Variants in SH3GL3 observed in about 807,000 individuals in gnomAD.
SH3GL3 encodes SH3 domain containing GRB2 like 3, endophilin A3, also known as endophilin-A3.
A neutral mutation model predicts 47.7 loss-of-function variants in SH3GL3; 33 were observed. The ratio of observed to expected loss-of-function variants is 0.69; its 90% CI spans 0.52 to 0.92. The LOEUF is 0.92. Ranked by LOEUF, SH3GL3 falls within the 40% of genes least tolerant of loss-of-function variation. The pLI is 0.00. For synonymous variants in SH3GL3, 155 were observed against 148.8 expected (o/e 1.04, Z -0.30); for missense variants, 363 against 417.8 (o/e 0.87, Z 1.14).
At position 83,588,698 on chromosome 15, in the gene SH3GL3, C is replaced by G; in HGVS notation, c.765C>G (p.Tyr255Ter). The G allele has an allele frequency of 6.2e-7, 1 of 1,612,702 alleles. No individual in the cohort carries two copies. The highest frequency in any genetic ancestry group is 8.5e-7 in the Non-Finnish European group (1 of 1,178,662). Residue 255 changes from tyrosine to a stop codon, truncating the protein, a stop_gained, in exon 8 of 9, where the codon TAC becomes TAG. Transcript: ENST00000427482. LOFTEE classifies it high-confidence loss of function. ...SAASSVPRRE[Y>*]KPRPVKRSSS... Reference sequence around the variant, plus strand: ...CATCCAGTGTCCCCAGACGAGAATACAAGCCAAGGCCTGTGAAAAGGAGTT... The same window carrying G: ...CATCCAGTGTCCCCAGACGAGAATAGAAGCCAAGGCCTGTGAAAAGGAGTT...
intron 6 of SH3GL3, among the ~76,000 whole-genome samples, chr15:83,580,231 T>C (rs981062119): frequency 2.6e-5 from 4 of 152,202 alleles, no homozygotes; most frequent in African/African-American, 7.2e-5. Context: ...CATGAGGAGC[T>C]GTGCTTCGGG....
chr15:83,549,561 T>C (rs1469366561), intron 1 of SH3GL3, among the ~76,000 whole-genome samples: 3 of 152,216 alleles, frequency 2.0e-5, no homozygotes, highest in Non-Finnish European at 4.4e-5. Context: ...CTGACTCCAA[T>C]TTCTGTCTCT....
At chr15:83,602,269 C>T (rs1256024685) in intron 8 of SH3GL3, among the ~76,000 whole-genome samples, 3 of 152,206 alleles carry the variant, frequency 2.0e-5, no homozygotes, top group African/African-American at 7.2e-5. Context: ...TTGGGAAGTA[C>T]AACCTCTAGC....
intron 8 of SH3GL3, among the ~76,000 whole-genome samples, 156 bp from the exon 9 acceptor site, chr15:83,617,926 A>G (rs2060870023): frequency 1.3e-5 from 2 of 152,230 alleles, no homozygotes; most frequent in African/African-American, 4.8e-5. Flanking sequence ...GCAGCCAGAG[A>G]CCACAAACGG....
At chr15:83,553,061 G>A (rs2044749891) in intron 1 of SH3GL3, among the ~76,000 whole-genome samples, 1 of 152,076 alleles carries the variant, frequency 6.6e-6, no homozygotes, top group Admixed American at 6.6e-5. Context: ...GAACCTTGGA[G>A]CTCAAGACCA....
intron 1 of SH3GL3, among the ~76,000 whole-genome samples, chr15:83,479,366 G>A (rs1295122307): frequency 6.6e-6 from 1 of 152,000 alleles, no homozygotes; most frequent in Admixed American, 6.6e-5. Flanking sequence ...TGATGTTGTT[G>A]TTCTTGCAGT....
intron 8 of SH3GL3, among the ~76,000 whole-genome samples, chr15:83,589,948 A>G (rs181505323): frequency 6.6e-6 from 1 of 152,322 alleles, no homozygotes; most frequent in East Asian, 1.9e-4. Flanking sequence ...CACCCATGCC[A>G]GTAGACTTCC....
At chr15:83,486,459 T>C (rs1234742900) in intron 1 of SH3GL3, among the ~76,000 whole-genome samples, 3 of 152,244 alleles carry the variant, frequency 2.0e-5, no homozygotes, top group Non-Finnish European at 4.4e-5. Context: ...TGGATTTACT[T>C]ATTCTGGATA....
chr15:83,535,561 T>TG (rs1439104621), intron 1 of SH3GL3, among the ~76,000 whole-genome samples: 1 of 152,196 alleles, frequency 6.6e-6, no homozygotes, highest in East Asian at 1.9e-4. Context: ...TGTTCCTACA[T>TG]GGACCTGTTT....
chr15:83,520,044 C>G (rs556392007), intron 1 of SH3GL3, among the ~76,000 whole-genome samples: 1 of 152,156 alleles, frequency 6.6e-6, no homozygotes, highest in Non-Finnish European at 1.5e-5. Context: ...GCCAGAGTAT[C>G]GGCATCTTCT....
chr15:83,574,917 G>A (rs2059634089), intron 5 of SH3GL3, among the ~76,000 whole-genome samples: 1 of 152,166 alleles, frequency 6.6e-6, no homozygotes, highest in African/African-American at 2.4e-5. Context: ...TATCCCTTCT[G>A]TGCCTCTGTG....
the SH3GL3 span, among the ~76,000 whole-genome samples, chr15:83,629,161 A>G: frequency 6.6e-6 from 1 of 152,250 alleles, no homozygotes. Flanking sequence ...CTAAATTGAT[A>G]TATACATTCA....
chr15:83,484,962 A>C (rs1380711712), intron 1 of SH3GL3, among the ~76,000 whole-genome samples: 2 of 152,320 alleles, frequency 1.3e-5, no homozygotes, highest in African/African-American at 4.8e-5. Flanking sequence ...TAAAATGTAG[A>C]TATTGATGCA....
chr15:83,477,497 G>A (rs975738729), intron 1 of SH3GL3, among the ~76,000 whole-genome samples: 1 of 152,106 alleles, frequency 6.6e-6, no homozygotes, highest in African/African-American at 2.4e-5. Flanking sequence ...TATAATTTGT[G>A]AGCTGTGTTC....
chr15:83,476,333 T>C (rs914873687), intron 1 of SH3GL3, among the ~76,000 whole-genome samples: 1 of 152,244 alleles, frequency 6.6e-6, no homozygotes, highest in Non-Finnish European at 1.5e-5. Flanking sequence ...TGTGTTTGTA[T>C]TTGTCACCAT....
At chr15:83,491,039 A>T in intron 1 of SH3GL3, 1 of 1,440,868 alleles carries the variant, frequency 6.9e-7, no homozygotes, top group Non-Finnish European at 9.3e-7. Flanking sequence ...TGTATTAGCA[A>T]GGAGTGATGA....
chr15:83,464,788 A>G (rs2040484059), intron 1 of SH3GL3, among the ~76,000 whole-genome samples: 1 of 151,954 alleles, frequency 6.6e-6, no homozygotes. Context: ...TCTTGCCCCC[A>G]TGATTGTAGT....
chr15:83,558,170 A>C (rs2151738779), intron 1 of SH3GL3, among the ~76,000 whole-genome samples: 1 of 152,200 alleles, frequency 6.6e-6, no homozygotes, highest in Non-Finnish European at 1.5e-5. Flanking sequence ...AAATGATTGA[A>C]CTTATTTTCT....
At chr15:83,490,616 T>C in intron 1 of SH3GL3, 1 of 609,352 alleles carries the variant, frequency 1.6e-6, no homozygotes. Context: ...TACAACCTAG[T>C]TCAGCCTGGC....
Sources: gnomAD v4.1 joint callset for allele counts (sites outside exome capture counted in the v4.1 genomes callset) on GRCh38, gnomAD v4.1.1 for gene constraint, MANE v1.5 for transcripts, NCBI Gene and HGNC (gene_info 2026-07-23, HGNC 2026-07-21) for gene names.